The following TBC1D1 variants were observed in gnomAD, a reference collection of about 807,000 sequenced individuals.
TBC1D1 encodes the protein TBC1 (tre-2/USP6, BUB2, cdc16) domain family, member 1.
Under a neutral mutation model 125.6 loss-of-function variants are expected in TBC1D1, and 89 were observed. The ratio of observed to expected loss-of-function variants is 0.71; its 90% CI spans 0.60 to 0.85. The LOEUF (loss-of-function observed/expected upper bound fraction) is 0.85, where lower values mean the gene tolerates loss of function less well. Ranked by LOEUF, TBC1D1 falls within the 40% of genes least tolerant of loss-of-function variation. The pLI is 0.00. For synonymous variants in TBC1D1, 565 were observed against 564.1 expected, an observed-to-expected ratio of 1.00 and a Z score of -0.02; for missense variants, 1,377 against 1,469.2, an observed-to-expected ratio of 0.94 and a Z score of 1.03.
intron 2 of TBC1D1, among the ~76,000 whole-genome samples, chr4:37,948,015 A>T (rs952255111): frequency 6.6e-6 from 1 of 152,220 alleles, no homozygotes; most frequent in African/African-American, 2.4e-5. Context: ...TTCCTAGTTA[A>T]CAAAGTGGAA....
intron 2 of TBC1D1, among the ~76,000 whole-genome samples, chr4:37,933,939 T>A (rs1361515272): frequency 6.6e-6 from 1 of 152,152 alleles, no homozygotes; most frequent in African/African-American, 2.4e-5. Context: ...GAGAGACACA[T>A]CTCAGGAGGC....
At chr4:38,111,926 G>T in intron 15 of TBC1D1, 1 of 985,464 alleles carries the variant, frequency 1.0e-6, no homozygotes, top group Non-Finnish European at 1.2e-6. Context: ...GCCTGGTAGT[G>T]AACCCAGAGG....
intron 2 of TBC1D1, chr4:37,952,204 T>A (rs1728027329): frequency 6.2e-6 from 4 of 644,280 alleles, no homozygotes; most frequent in Non-Finnish European, 1.1e-5. Flanking sequence ...TCACACGCGC[T>A]TGGAAGTTTT....
intron 18 of TBC1D1, among the ~76,000 whole-genome samples, chr4:38,126,715 C>A (rs909260294): frequency 6.6e-6 from 1 of 152,040 alleles, no homozygotes; most frequent in African/African-American, 2.4e-5. Flanking sequence ...GGGTGGGCAT[C>A]GAAATATACG....
chr4:37,937,583 G>T (rs908663578), intron 2 of TBC1D1, among the ~76,000 whole-genome samples: 1 of 152,032 alleles, frequency 6.6e-6, no homozygotes, highest in Admixed American at 6.5e-5. Context: ...TAATAGCTAG[G>T]AAGTCCAGCC....
chr4:38,009,384 A>G (rs1458095573), intron 2 of TBC1D1, among the ~76,000 whole-genome samples: 4 of 152,256 alleles, frequency 2.6e-5, no homozygotes, highest in Non-Finnish European at 5.9e-5. Flanking sequence ...ACAGTGCTTC[A>G]GACTTATTTA....
chr4:37,990,465 A>G (rs1266295763), intron 2 of TBC1D1, among the ~76,000 whole-genome samples: 1 of 152,196 alleles, frequency 6.6e-6, no homozygotes, highest in Non-Finnish European at 1.5e-5. Flanking sequence ...CAGAAACACA[A>G]CCAAAAGCCC....
chr4:38,096,855 T>C (rs977513728), intron 14 of TBC1D1, among the ~76,000 whole-genome samples: 1 of 152,196 alleles, frequency 6.6e-6, no homozygotes, highest in Non-Finnish European at 1.5e-5. Flanking sequence ...TATAAAAATA[T>C]CAGCCTGTAG....
At chr4:38,012,800 AT>A (rs1307510329) in intron 2 of TBC1D1, among the ~76,000 whole-genome samples, 2 of 151,330 alleles carry the variant, frequency 1.3e-5, no homozygotes, top group African/African-American at 4.9e-5. Flanking sequence ...AATTTTGGCT[AT>A]TTTGTTTTTT....
intron 2 of TBC1D1, among the ~76,000 whole-genome samples, chr4:37,982,754 T>C (rs1734595180): frequency 6.6e-6 from 1 of 152,206 alleles, no homozygotes; most frequent in African/African-American, 2.4e-5. Flanking sequence ...GACAAATTCT[T>C]TAATCTGATT....
chr4:38,130,377 T>C (rs1693048214), intron 18 of TBC1D1, among the ~76,000 whole-genome samples: 1 of 152,246 alleles, frequency 6.6e-6, no homozygotes, highest in Non-Finnish European at 1.5e-5. Context: ...GCTCTATTGC[T>C]TCAGTAACTT....
rs189901201 is a variant in TBC1D1 at position 37,900,321 on chromosome 4, G to T, written c.-93-1682G>T. On this transcript the variant is annotated intron_variant, in intron 1 of 19. Coordinates refer to ENST00000261439, the MANE Select transcript of TBC1D1 (RefSeq NM_015173.4). Reference sequence around the variant, plus strand: ...ACCAGGAATGGATGGTCAATAGGAAGTGGAGACAGTAAGTGTAGACCTTAC... The same window carrying T: ...ACCAGGAATGGATGGTCAATAGGAATTGGAGACAGTAAGTGTAGACCTTAC... Among the ~76,000 whole-genome samples the T allele has an allele frequency of 3.6e-3, 554 of 152,068 alleles. 1 individual carries two copies. The highest frequency in any genetic ancestry group is 0.013 in the African/African-American group (532 of 41,458).
chr4:38,134,598 T>C (rs1229278967), intron 19 of TBC1D1, among the ~76,000 whole-genome samples: 1 of 152,228 alleles, frequency 6.6e-6, no homozygotes, highest in African/African-American at 2.4e-5. Flanking sequence ...TGGAAACTTC[T>C]AATAAAGCTC....
intron 14 of TBC1D1, among the ~76,000 whole-genome samples, chr4:38,097,830 T>G (rs989771613): frequency 4.6e-5 from 7 of 152,254 alleles, no homozygotes; most frequent in African/African-American, 1.7e-4. Flanking sequence ...GCAGTGTTTT[T>G]TACTATAGTT....
chr4:38,134,292 C>T (rs1317020027), intron 19 of TBC1D1, among the ~76,000 whole-genome samples: 1 of 152,154 alleles, frequency 6.6e-6, no homozygotes. Context: ...TTCCTCCCAG[C>T]GGGCATTCCA....
At chr4:38,023,782 G>A (rs566333228) in intron 6 of TBC1D1, among the ~76,000 whole-genome samples, 2 of 152,242 alleles carry the variant, frequency 1.3e-5, no homozygotes, top group East Asian at 1.9e-4. Flanking sequence ...GAATGCTGAC[G>A]TGCAAATATC....
intron 2 of TBC1D1, among the ~76,000 whole-genome samples, chr4:37,938,329 G>T (rs1464817783): frequency 2.0e-5 from 3 of 152,144 alleles, no homozygotes; most frequent in Admixed American, 6.5e-5. Flanking sequence ...TCAACTGATT[G>T]CCAGGAAACC....
chr4:38,132,083 T>A (rs2059662650), intron 18 of TBC1D1, among the ~76,000 whole-genome samples: 1 of 152,232 alleles, frequency 6.6e-6, no homozygotes. Flanking sequence ...TACACTGATT[T>A]TTAACAATAT....
chr4:38,083,069 G>A (rs1266223230), intron 12 of TBC1D1, among the ~76,000 whole-genome samples: 1 of 152,046 alleles, frequency 6.6e-6, no homozygotes, highest in Non-Finnish European at 1.5e-5. Context: ...GGCAGAGTTA[G>A]GTGCTCTGTT....
Sources: allele counts gnomAD v4.1 joint callset (sites outside exome capture counted in the v4.1 genomes callset), GRCh38; gene constraint gnomAD v4.1.1; transcripts MANE v1.5; gene names NCBI Gene and HGNC (gene_info 2026-07-23, HGNC 2026-07-21).